Variants in VSTM4 observed in about 807,000 individuals in gnomAD.
VSTM4 encodes the protein V-set and transmembrane domain-containing protein 4.
Under a neutral mutation model 36.4 loss-of-function variants are expected in VSTM4, and 20 were observed. The ratio of observed to expected loss-of-function variants is 0.55; its 90% CI spans 0.39 to 0.80. VSTM4 has a LOEUF of 0.80. VSTM4 is among the 30% of genes least tolerant of loss of function. The pLI, the probability that VSTM4 is intolerant of heterozygous loss-of-function variation, is 0.00. For missense variants in VSTM4, 392 were observed against 404.5 expected, an observed-to-expected ratio of 0.97 and a Z score of 0.26; for synonymous variants, 182 against 173.9, an observed-to-expected ratio of 1.05 and a Z score of -0.37.
chr10:49,016,406 T>C lies in VSTM4; in HGVS notation c.*3244A>G. On this transcript the variant is annotated 3_prime_UTR_variant, in exon 8 of 8. Coordinates refer to ENST00000332853, the MANE Select transcript of VSTM4 (RefSeq NM_001031746.5). Reference sequence around the variant, plus strand: ...GTGGCAACAGATAGATATGTGCCATTCCAGCTTCACTGCCCAAGGCAAAGA... The same window carrying C: ...GTGGCAACAGATAGATATGTGCCATCCCAGCTTCACTGCCCAAGGCAAAGA... 1 of 152,188 alleles carries C rather than the reference T, an allele frequency of 6.6e-6. No homozygotes were observed. Among genetic ancestry groups the C allele is most frequent in the Non-Finnish European group, 1.5e-5 (1 of 68,042 alleles). The allele number at this position is 152,188 out of a possible 1,614,324, so 9.4% of individuals were successfully genotyped here. A position where few individuals can be genotyped will look rare whatever the true frequency, so the allele number is the denominator to read the frequency against.
At chr10:49,037,525 A>C in intron 7 of VSTM4, among the ~76,000 whole-genome samples, 1 of 152,190 alleles carries the variant, frequency 6.6e-6, no homozygotes, top group Non-Finnish European at 1.5e-5. Flanking sequence ...ACATTGGCCA[A>C]AGGGGCGCTC....
chr10:49,099,104 ACTGTGT>A (rs1844622932), intron 2 of VSTM4, among the ~76,000 whole-genome samples: 7 of 152,160 alleles, frequency 4.6e-5, no homozygotes, highest in African/African-American at 1.7e-4. Flanking sequence ...CCCAAAGCTG[ACTGTGT>A]AGTCCCAGTT....
intron 2 of VSTM4, among the ~76,000 whole-genome samples, chr10:49,087,052 T>C (rs1436786498): frequency 6.6e-6 from 1 of 152,234 alleles, no homozygotes; most frequent in Non-Finnish European, 1.5e-5. Flanking sequence ...ATTATTGTCA[T>C]GATCTCAATT....
chr10:49,022,121 A>AT (rs35764389), intron 7 of VSTM4, among the ~76,000 whole-genome samples: 20,970 of 114,970 alleles, frequency 0.18, 1,721 homozygotes, highest in Non-Finnish European at 0.23. Flanking sequence ...TAATGCATTT[A>AT]TTTTTTTTTA....
intron 5 of VSTM4, among the ~76,000 whole-genome samples, chr10:49,062,779 T>A (rs1229725526): frequency 6.6e-6 from 1 of 152,176 alleles, no homozygotes; most frequent in East Asian, 1.9e-4. Context: ...TCTGTTCATT[T>A]TTTGTTTGTT....
intron 4 of VSTM4, among the ~76,000 whole-genome samples, chr10:49,065,857 A>C (rs1843963980): frequency 6.6e-6 from 1 of 152,088 alleles, no homozygotes; most frequent in South Asian, 2.1e-4. Flanking sequence ...CTTCAAATGG[A>C]ACTGTACAGG....
rs1250640541 is a variant in VSTM4 at position 49,052,558 on chromosome 10, A to C, written c.669-3974T>G. Among the ~76,000 whole-genome samples the C allele has an allele frequency of 2.7e-5, 4 of 149,278 alleles. No homozygotes were observed. In the East Asian group the frequency reaches 7.9e-4, roughly 30 times the overall value. On this transcript the variant is annotated intron_variant, in intron 5 of 7. Transcript: ENST00000332853. ...CATTTGGACATATTTATTGAAAAAT[A>C]TTTTTCCCAATTCCCTTTGAATTCT...
intron 7 of VSTM4, among the ~76,000 whole-genome samples, chr10:49,026,357 A>G (rs755514255): frequency 1.3e-5 from 2 of 152,188 alleles, no homozygotes; most frequent in Non-Finnish European, 2.9e-5. Flanking sequence ...TCCCACCATG[A>G]TGGGAAGCTC....
intron 2 of VSTM4, among the ~76,000 whole-genome samples, chr10:49,087,121 A>C (rs990849786): frequency 2.0e-5 from 3 of 152,304 alleles, no homozygotes; most frequent in African/African-American, 7.2e-5. Context: ...CTATTGACAT[A>C]TCTTCCAAAT....
intron 7 of VSTM4, among the ~76,000 whole-genome samples, chr10:49,029,004 A>G (rs771929066): frequency 1.8e-4 from 28 of 152,234 alleles, no homozygotes; most frequent in African/African-American, 2.7e-4. Flanking sequence ...TTTTTATTCA[A>G]TGGAGTAACT....
intron 5 of VSTM4, among the ~76,000 whole-genome samples, chr10:49,059,386 C>T (rs1465061673): frequency 1.3e-5 from 2 of 152,204 alleles, no homozygotes; most frequent in African/African-American, 4.8e-5. Flanking sequence ...ATTCTGCGGT[C>T]ATCTTGACCT....
At chr10:49,057,742 C>T (rs559155804) in intron 5 of VSTM4, among the ~76,000 whole-genome samples, 96 of 152,120 alleles carry the variant, frequency 6.3e-4, no homozygotes, top group Non-Finnish European at 1.1e-3. Context: ...CCCGTCCCTG[C>T]GTCTACTGCC....
intron 4 of VSTM4, among the ~76,000 whole-genome samples, chr10:49,071,625 C>A (rs1465987704): frequency 6.6e-6 from 1 of 152,250 alleles, no homozygotes; most frequent in Non-Finnish European, 1.5e-5. Flanking sequence ...TGGCCTGTGG[C>A]CTCCTGGCTC....
intron 1 of VSTM4, among the ~76,000 whole-genome samples, chr10:49,110,701 A>G (rs1844877628): frequency 6.6e-6 from 1 of 152,108 alleles, no homozygotes; most frequent in Non-Finnish European, 1.5e-5. Context: ...AGATAAGAAC[A>G]CAAACACCAC....
intron 7 of VSTM4, among the ~76,000 whole-genome samples, chr10:49,029,676 G>A (rs1457064192): frequency 6.6e-6 from 1 of 152,248 alleles, no homozygotes; most frequent in Non-Finnish European, 1.5e-5. Flanking sequence ...GGCCTGGGAT[G>A]CCAACAGGGA....
intron 5 of VSTM4, among the ~76,000 whole-genome samples, chr10:49,063,813 C>G (rs1441741385): frequency 1.3e-5 from 2 of 152,158 alleles, no homozygotes; most frequent in Non-Finnish European, 2.9e-5. Flanking sequence ...TCCCTGAAGG[C>G]TTGGTGTCAC....
chr10:49,067,780 G>A (rs1843999236), intron 4 of VSTM4, among the ~76,000 whole-genome samples: 1 of 152,200 alleles, frequency 6.6e-6, no homozygotes, highest in South Asian at 2.1e-4. Flanking sequence ...CACCTGGGAA[G>A]TGCCAAAGTT....
At chr10:49,108,030 G>A (rs1251069370) in intron 1 of VSTM4, 35 bp from the exon 2 acceptor site, 2 of 1,520,528 alleles carry the variant, frequency 1.3e-6, no homozygotes, top group Non-Finnish European at 1.8e-6. Context: ...AGGATGAGGA[G>A]GGCCCCAAGT....
chr10:49,036,001 G>C (rs1365395653), intron 7 of VSTM4, among the ~76,000 whole-genome samples: 1 of 152,152 alleles, frequency 6.6e-6, no homozygotes, highest in Non-Finnish European at 1.5e-5. Flanking sequence ...GGCAGTAGAG[G>C]GGCCTTGGCA....
Sources: gnomAD v4.1 joint callset for allele counts (sites outside exome capture counted in the v4.1 genomes callset) on GRCh38, gnomAD v4.1.1 for gene constraint, MANE v1.5 for transcripts, NCBI Gene and HGNC (gene_info 2026-07-23, HGNC 2026-07-21) for gene names.